PTPN21: variants seen among roughly 807,000 people sequenced by gnomAD.
PTPN21 encodes the protein protein tyrosine phosphatase non-receptor type 21.
A neutral mutation model predicts 131.8 loss-of-function variants in PTPN21; 77 were observed. The observed-to-expected ratio is 0.58, with a 90% CI of 0.49 to 0.71. The LOEUF is 0.71. PTPN21 is among the 30% of genes least tolerant of loss of function. PTPN21 has a pLI of 0.00. For missense variants in PTPN21, 1,552 were observed against 1,527.1 expected (o/e 1.02, Z -0.27); for synonymous variants, 715 against 621.3 (o/e 1.15, Z -2.24).
chr14:88,548,698 T>C (rs892539763), intron 2 of PTPN21, among the ~76,000 whole-genome samples: 1 of 152,224 alleles, frequency 6.6e-6, no homozygotes, highest in African/African-American at 2.4e-5. Flanking sequence ...CCTGACTTTT[T>C]AGGTGGAATA....
At position 88,492,435 on chromosome 14, in the gene PTPN21, A is replaced by G. The variant is rs144306268; in HGVS notation, c.932+3978T>C. ...AGGCCCCTAGCAGAAACCGCTTCCC[A>G]TATTTACAAAGAAAGCAGGTTCCTC... On this transcript the variant is annotated intron_variant, in intron 10 of 18. Transcript: ENST00000556564. 4.6e-5 allele frequency among the ~76,000 whole-genome samples: 7 copies of G among 152,332 alleles called. No homozygotes were observed. In the East Asian group the frequency reaches 1.4e-3, roughly 29 times the overall value.
chr14:88,465,789 GATT>G lies in PTPN21; in HGVS notation c.*2345_*2347del, dbSNP rs2077354517. ...ATTTCAAAGCTCAGTAATGTGGATA[GATT>G]TTTATTCAGAAATCCTTTCATATTC... On this transcript the variant is annotated 3_prime_UTR_variant, in exon 19 of 19. Coordinates refer to ENST00000556564, the MANE Select transcript of PTPN21 (RefSeq NM_007039.4). 1.3e-5 allele frequency: 2 copies of G among 152,134 alleles called. No individual in the cohort carries two copies. Among genetic ancestry groups the G allele is most frequent in the African/African-American group, 4.8e-5 (2 of 41,424 alleles). The allele number at this position is 152,134 out of a possible 1,614,324, so 9.4% of individuals were successfully genotyped here. A position where few individuals can be genotyped will look rare whatever the true frequency, so the allele number is the denominator to read the frequency against.
intron 6 of PTPN21, among the ~76,000 whole-genome samples, chr14:88,503,363 T>C (rs2078042202): frequency 6.6e-6 from 1 of 152,164 alleles, no homozygotes; most frequent in Non-Finnish European, 1.5e-5. Context: ...GAGCTTGGTT[T>C]CCCCATCTGG....
intron 3 of PTPN21, chr14:88,515,576 T>A (rs955510318): frequency 2.6e-5 from 4 of 152,206 alleles, no homozygotes; most frequent in Non-Finnish European, 5.9e-5. Context: ...AGACATGTAA[T>A]CATTTTGATT....
At position 88,478,820 on chromosome 14, in the gene PTPN21, AG is replaced by A. The variant is rs1176415607; in HGVS notation, c.2511+99del. On this transcript the variant is annotated intron_variant, in intron 13 of 18. Transcript: ENST00000556564. ...ACGTGGGGGAATGAAGAACGTTAAAAGAACAAGAGGAGCTGAAAAACACGGG... is the reference window on the plus strand; with the variant it reads ...ACGTGGGGGAATGAAGAACGTTAAAAAACAAGAGGAGCTGAAAAACACGGG... The A allele has an allele frequency of 9.8e-6, 7 of 713,268 alleles. No homozygotes were observed. In the African/African-American group the frequency reaches 1.3e-4, roughly 13 times the overall value. 44.2% of individuals were successfully genotyped at this position (713,268 alleles called of 1,614,324 possible).
chr14:88,477,456 A>C (rs1393869331), intron 13 of PTPN21, among the ~76,000 whole-genome samples: 4 of 140,440 alleles, frequency 2.8e-5, no homozygotes, highest in East Asian at 1.9e-4. Context: ...TAAAAAAAAA[A>C]AAAAAAAAAA....
chr14:88,476,428 G>T (rs192396987), intron 13 of PTPN21, among the ~76,000 whole-genome samples: 1 of 152,270 alleles, frequency 6.6e-6, no homozygotes, highest in African/African-American at 2.4e-5. Context: ...CTGAGTCACA[G>T]ATTAAATAGC....
intron 12 of PTPN21, among the ~76,000 whole-genome samples, chr14:88,482,759 G>T (rs925501481): frequency 6.6e-6 from 1 of 152,020 alleles, no homozygotes; most frequent in East Asian, 1.9e-4. Context: ...AACCTAGCAT[G>T]CCAGGAGAGT....
chr14:88,482,578 A>G lies in PTPN21; in HGVS notation c.1079-2226T>C, dbSNP rs544462706. Among the ~76,000 whole-genome samples the G allele has an allele frequency of 8.5e-5, 13 of 152,154 alleles. No homozygotes were observed. In the South Asian group the frequency reaches 2.5e-3, roughly 29 times the overall value. On this transcript the variant is annotated intron_variant, in intron 12 of 18. Coordinates refer to ENST00000556564, the MANE Select transcript of PTPN21 (RefSeq NM_007039.4). ...CAGTGAGCTAAAATCATGCCATTGCACTCTAGCCTGGACAACAAAAGCGAA... is the reference window on the plus strand; with the variant it reads ...CAGTGAGCTAAAATCATGCCATTGCGCTCTAGCCTGGACAACAAAAGCGAA...
chr14:88,515,052 A>G (rs975215252), intron 3 of PTPN21: 1 of 152,166 alleles, frequency 6.6e-6, no homozygotes, highest in South Asian at 2.1e-4. Context: ...TCTTGGACCA[A>G]GAGGTAACCT....
At chr14:88,505,094 T>C (rs1377610046) in intron 5 of PTPN21, among the ~76,000 whole-genome samples, 2 of 152,210 alleles carry the variant, frequency 1.3e-5, no homozygotes, top group African/African-American at 2.4e-5. Context: ...GTGCAGTGAC[T>C]ACAGACCCTT....
chr14:88,480,518 C>T (rs999003540), intron 12 of PTPN21, among the ~76,000 whole-genome samples, 166 bp from the exon 13 acceptor site: 2 of 152,130 alleles, frequency 1.3e-5, no homozygotes, highest in Non-Finnish European at 2.9e-5. Context: ...CTGGGAGCTT[C>T]GGCTTCCTCA....
At chr14:88,550,147 C>T in intron 2 of PTPN21, 91 bp downstream of exon 2, 1 of 1,335,230 alleles carries the variant, frequency 7.5e-7, no homozygotes, top group African/African-American at 1.5e-5. Context: ...CTCCTGACCT[C>T]AGGTGATCCA....
chr14:88,478,376 T>TG (rs1433965442), intron 13 of PTPN21, among the ~76,000 whole-genome samples: 1 of 152,212 alleles, frequency 6.6e-6, no homozygotes, highest in African/African-American at 2.4e-5. Flanking sequence ...CTTAACAAAG[T>TG]GCCACCTTCC....
Position 88,473,699 on chromosome 14 carries a change from T to C in PTPN21, c.2615A>G (p.Lys872Arg), listed in dbSNP as rs778513636. The C allele has an allele frequency of 5.0e-6, 8 of 1,613,302 alleles. No homozygotes were observed. Among genetic ancestry groups the C allele is most frequent in the Non-Finnish European group, 6.8e-6 (8 of 1,179,916 alleles). The change falls in exon 14 of 19, where the codon AAG becomes AGG. Residue 872 changes from lysine (K) to arginine (R), a missense_variant. Physicochemically the swap from Lys to Arg is conservative, Grantham distance 26 (BLOSUM62 2). Around this residue, in one of 4 missense-constraint regions of PTPN21, gnomAD observed 316 missense variants for 378.5 expected, o/e 0.83. Transcript: ENST00000556564. ...LSRVPLPDEG[K>R]EVATRATNDE... Reference sequence around the variant, plus strand: ...ATTCGTTGCTCTGGTAGCCACTTCCTTTCCTTCATCAGGCAGAGGCACTCG... The same window carrying C: ...ATTCGTTGCTCTGGTAGCCACTTCCCTTCCTTCATCAGGCAGAGGCACTCG...
rs190088838 is a variant in PTPN21, at chr14:88,491,284, G to T, written c.932+5129C>A. 8.5e-5 allele frequency among the ~76,000 whole-genome samples: 13 copies of T among 152,306 alleles called. No homozygotes were observed. In the South Asian group the frequency reaches 1.0e-3, roughly 12 times the overall value. ...AGTTATCTGGGTCAAGATTAGATGA[G>T]TCACATAAGGCCATCCCAAGCAGCA... On this transcript the variant is annotated intron_variant, in intron 10 of 18. Coordinates refer to ENST00000556564, the MANE Select transcript of PTPN21 (RefSeq NM_007039.4).
chr14:88,551,576 G>C (rs2139372195), intron 1 of PTPN21: 1 of 152,370 alleles, frequency 6.6e-6, no homozygotes, highest in South Asian at 2.1e-4. Flanking sequence ...GCTCCCGAAG[G>C]GAACATTTAA....
chr14:88,526,367 G>A (rs940020952), intron 2 of PTPN21, among the ~76,000 whole-genome samples: 1 of 151,694 alleles, frequency 6.6e-6, no homozygotes, highest in Admixed American at 6.6e-5. Context: ...GACCAACATG[G>A]TGAAACCCCA....
Position 88,544,348 on chromosome 14 carries a change from C to CA in PTPN21, c.180+5889dup, listed in dbSNP as rs541076259. ...GCAACAGAGCAAGACTCCATCTCAC[C>CA]AAAAAAAAAGAAAAGAAAAGAATTC... is the stretch of plus-strand genomic sequence containing the variant. On this transcript the variant is annotated intron_variant, in intron 2 of 18. Coordinates refer to ENST00000556564, the MANE Select transcript of PTPN21 (RefSeq NM_007039.4). Among the ~76,000 whole-genome samples, 274 of 147,624 alleles carry CA rather than the reference C, an allele frequency of 1.9e-3. 1 individual carries two copies. The highest frequency in any genetic ancestry group is 3.4e-3 in the Non-Finnish European group (226 of 66,676).
Sources: gnomAD v4.1 joint callset for allele counts (sites outside exome capture counted in the v4.1 genomes callset) on GRCh38, gnomAD v4.1.1 for gene constraint, gnomAD v4.1.1 regional missense constraint, MANE v1.5 for transcripts, NCBI Gene and HGNC (gene_info 2026-07-23, HGNC 2026-07-21) for gene names.